SHANK2: variants seen among roughly 807,000 people sequenced by gnomAD.
SHANK2 encodes SH3 and multiple ankyrin repeat domains protein 2.
A neutral mutation model predicts 133.7 loss-of-function variants in SHANK2; 43 were observed. The observed-to-expected ratio is 0.32, with a 90% CI of 0.25 to 0.41. The LOEUF (loss-of-function observed/expected upper bound fraction) is 0.41. Ranked by LOEUF, SHANK2 falls within the 10% of genes least tolerant of loss-of-function variation. The pLI is 1.00. For missense variants in SHANK2, 1,994 were observed against 2,235.8 expected, an observed-to-expected ratio of 0.89 and a Z score of 2.18; for synonymous variants, 1,017 against 952.8, an observed-to-expected ratio of 1.07 and a Z score of -1.24.
At chr11:71,063,903 AAC>A (rs1213916784) in intron 9 of SHANK2, among the ~76,000 whole-genome samples, 1 of 151,996 alleles carries the variant, frequency 6.6e-6, no homozygotes, top group Non-Finnish European at 1.5e-5. Flanking sequence ...GCCCGCTGAG[AAC>A]ACAGTGTGCC....
At chr11:70,787,479 CCGTGACCACCACCACCAG>C (rs1947693726) in intron 14 of SHANK2, among the ~76,000 whole-genome samples, 1 of 148,224 alleles carries the variant, frequency 6.7e-6, no homozygotes, top group East Asian at 2.1e-4. Context: ...ACTATCATCA[CCGTGACCACCACCACCAG>C]CATCACCACC....
Position 70,472,868 on chromosome 11 carries a change from C to T in SHANK2, c.*1G>A. The stretch of plus-strand genomic sequence containing the variant: ...GTCTGCGAGGTGGAGAGCAGCCGTC[C>T]TTATCTGTCCAGCAGCTGTTTCAAA... On this transcript the variant is annotated 3_prime_UTR_variant, in exon 26 of 26. Transcript: ENST00000601538. The surrounding 1 kb of genome is among the most constrained non-coding windows in gnomAD (Gnocchi z 4.4). 6.2e-7 allele frequency: 1 copy of T among 1,614,092 alleles called. No homozygotes were observed. Among genetic ancestry groups the T allele is most frequent in the Non-Finnish European group, 8.5e-7 (1 of 1,179,940 alleles).
At chr11:70,515,496 T>C (rs1250801842) in intron 17 of SHANK2, among the ~76,000 whole-genome samples, 2 of 152,090 alleles carry the variant, frequency 1.3e-5, no homozygotes, top group Non-Finnish European at 1.5e-5. Context: ...TATCTTTCAA[T>C]CTATCTTTCA....
At chr11:70,860,105 C>T (rs1590766556) in intron 11 of SHANK2, among the ~76,000 whole-genome samples, 1 of 152,202 alleles carries the variant, frequency 6.6e-6, no homozygotes, top group East Asian at 1.9e-4. Flanking sequence ...TCCCTTGCTC[C>T]CTTCACATGG....
chr11:70,928,398 T>C (rs1026349976), intron 10 of SHANK2, among the ~76,000 whole-genome samples: 1 of 152,160 alleles, frequency 6.6e-6, no homozygotes, highest in Non-Finnish European at 1.5e-5. Context: ...GCACCTGGCA[T>C]GGATCAAGGG....
rs1193619854 is a variant in SHANK2, at chr11:71,092,418, G to A, written c.912+4C>T. Reference sequence around the variant, plus strand: ...CAACAGAGTGGAGAAGCGGGCCCACGTACCTGGTGGATCTCGTGCCAGCCG... The same window carrying A: ...CAACAGAGTGGAGAAGCGGGCCCACATACCTGGTGGATCTCGTGCCAGCCG... On this transcript the variant is annotated splice_donor_region_variant and intron_variant, in intron 8 of 25. Transcript: ENST00000601538. The A allele has an allele frequency of 2.8e-5, 43 of 1,551,076 alleles. No individual in the cohort carries two copies. Among genetic ancestry groups the A allele is most frequent in the Admixed American group, 3.9e-5 (2 of 50,958 alleles).
At chr11:71,231,190 T>C (rs1954735431) in intron 1 of SHANK2, among the ~76,000 whole-genome samples, 1 of 152,124 alleles carries the variant, frequency 6.6e-6, no homozygotes, top group African/African-American at 2.4e-5. Flanking sequence ...CGAAATAATA[T>C]GTGTCTAGAA....
chr11:70,563,258 G>A (rs1292954527), intron 17 of SHANK2, among the ~76,000 whole-genome samples: 10 of 152,124 alleles, frequency 6.6e-5, no homozygotes, highest in Admixed American at 6.6e-4. Context: ...AGTTGCTTTA[G>A]AATTTATATT....
chr11:70,941,888 C>A (rs1319395235), intron 10 of SHANK2, among the ~76,000 whole-genome samples: 1 of 151,410 alleles, frequency 6.6e-6, no homozygotes, highest in African/African-American at 2.4e-5. Context: ...ATACTGGAGA[C>A]TGGGTCATTT....
intron 10 of SHANK2, among the ~76,000 whole-genome samples, chr11:70,903,214 T>C (rs1950048097): frequency 6.6e-6 from 1 of 151,748 alleles, no homozygotes. Flanking sequence ...CCGTCTTTAC[T>C]AAAAATACAA....
At chr11:71,060,178 A>G (rs1383501950) in intron 9 of SHANK2, among the ~76,000 whole-genome samples, 1 of 152,190 alleles carries the variant, frequency 6.6e-6, no homozygotes, top group Non-Finnish European at 1.5e-5. Context: ...TTTGGCTGTC[A>G]CAACTGTGAG....
At chr11:70,759,640 G>A (rs1819833628) in intron 14 of SHANK2, among the ~76,000 whole-genome samples, 2 of 152,170 alleles carry the variant, frequency 1.3e-5, no homozygotes, top group Non-Finnish European at 2.9e-5. Context: ...GCTCCTGGTG[G>A]CAATAAGAGA....
chr11:71,087,613 C>T (rs1036056444), intron 8 of SHANK2, among the ~76,000 whole-genome samples: 20 of 152,240 alleles, frequency 1.3e-4, no homozygotes, highest in South Asian at 6.2e-4. Context: ...GGGTCCCATA[C>T]GCATTTAGCT....
intron 17 of SHANK2, among the ~76,000 whole-genome samples, chr11:70,576,901 C>T (rs1287719533): frequency 6.6e-6 from 1 of 152,220 alleles, no homozygotes; most frequent in Non-Finnish European, 1.5e-5. Flanking sequence ...GCAACAAGGA[C>T]ACAGCAGGCA....
intron 17 of SHANK2, among the ~76,000 whole-genome samples, chr11:70,506,074 G>A (rs189486846): frequency 2.6e-5 from 4 of 152,324 alleles, no homozygotes; most frequent in Admixed American, 2.6e-4. Context: ...CTGGGCAGGG[G>A]AGGCAAAGGA....
intron 14 of SHANK2, among the ~76,000 whole-genome samples, chr11:70,726,665 A>G (rs1591790898): frequency 6.6e-6 from 1 of 152,208 alleles, no homozygotes; most frequent in East Asian, 1.9e-4. Flanking sequence ...AACAAGACCT[A>G]AAATTATTCC....
intron 8 of SHANK2, among the ~76,000 whole-genome samples, chr11:71,083,980 G>GGC (rs1555092242): frequency 4.2e-4 from 4 of 9,422 alleles, no homozygotes; most frequent in African/African-American, 9.6e-4. Flanking sequence ...ACTTTTTTTT[G>GGC]GGGGGGGGAG....
chr11:71,235,255 C>T (rs185583632), intron 1 of SHANK2, among the ~76,000 whole-genome samples: 4 of 152,180 alleles, frequency 2.6e-5, no homozygotes, highest in Non-Finnish European at 5.9e-5. Flanking sequence ...ACTTCTGGCC[C>T]CACTAGCTGA....
In SHANK2 at chr11:71,103,853, C is replaced by T. The variant is rs371702272; in HGVS notation, c.592+6088G>A. On this transcript the variant is annotated intron_variant, in intron 6 of 25. Coordinates refer to ENST00000601538, the MANE Select transcript of SHANK2 (RefSeq NM_012309.5). ...CTCTCTCTCCCTCCCTCCCTCCCCCCCTCCCCTTCTCCCTCTCCCCCCCTC... is the reference window on the plus strand; with the variant it reads ...CTCTCTCTCCCTCCCTCCCTCCCCCTCTCCCCTTCTCCCTCTCCCCCCCTC... Among the ~76,000 whole-genome samples, 330 of 118,862 alleles carry T rather than the reference C, an allele frequency of 2.8e-3. 2 individuals carry two copies. The highest frequency in any genetic ancestry group is 9.8e-3 in the African/African-American group (312 of 31,828). 78.0% of individuals were successfully genotyped at this position (118,862 alleles called of 152,430 possible).
Sources: gnomAD v4.1 joint callset for allele counts (sites outside exome capture counted in the v4.1 genomes callset) on GRCh38, gnomAD v4.1.1 for gene constraint, Gnocchi (gnomAD v3.1) non-coding constraint, MANE v1.5 for transcripts, NCBI Gene and HGNC (gene_info 2026-07-23, HGNC 2026-07-21) for gene names.